The following FBXW7 variants were observed in gnomAD, a reference collection of about 807,000 sequenced individuals.
FBXW7 encodes F-box and WD repeat domain containing 7, also known as F-box/WD repeat-containing protein 7.
In FBXW7, 11 loss-of-function variants were observed where a neutral mutation model predicts 86.3. The ratio of observed to expected loss-of-function variants is 0.13; its 90% CI spans 0.08 to 0.21. The LOEUF is 0.21. Among genes scored for constraint, FBXW7 ranks in the 10% least tolerant of loss-of-function variants. The probability of loss-of-function intolerance (pLI) is 1.00; values close to 1 mark genes in which losing one functional copy is unlikely to be tolerated. For synonymous variants in FBXW7, 313 were observed against 297.9 expected, an observed-to-expected ratio of 1.05 and a Z score of -0.52; for missense variants, 488 against 847.4, an observed-to-expected ratio of 0.58 and a Z score of 5.27.
At chr4:152,524,232 A>C (rs1273176216) in intron 2 of FBXW7, among the ~76,000 whole-genome samples, 2 of 152,208 alleles carry the variant, frequency 1.3e-5, no homozygotes, top group African/African-American at 2.4e-5. Context: ...AACTTGCCTG[A>C]AATCACAAAG....
At chr4:152,382,557 T>C (rs2126781937) in intron 4 of FBXW7, 2 of 1,042,554 alleles carry the variant, frequency 1.9e-6, no homozygotes, top group Non-Finnish European at 2.4e-6. Context: ...CCAGGAATTA[T>C]AAACTACTGA....
chr4:152,479,301 CA>C (rs531178850), intron 2 of FBXW7, among the ~76,000 whole-genome samples: 62 of 151,438 alleles, frequency 4.1e-4, no homozygotes, highest in Non-Finnish European at 6.3e-4. Context: ...GACATCTAGT[CA>C]AAAAAAAGTA....
intron 2 of FBXW7, among the ~76,000 whole-genome samples, chr4:152,459,899 T>G (rs1742784242): frequency 6.6e-6 from 1 of 152,074 alleles, no homozygotes; most frequent in South Asian, 2.1e-4. Flanking sequence ...AGCAAAACTG[T>G]GGATAAGGGG....
intron 6 of FBXW7, among the ~76,000 whole-genome samples, chr4:152,341,804 T>C (rs186277592): frequency 9.2e-5 from 14 of 152,310 alleles, no homozygotes; most frequent in African/African-American, 3.1e-4. Flanking sequence ...ACTATCTACG[T>C]GTGTATGTGT....
intron 6 of FBXW7, among the ~76,000 whole-genome samples, chr4:152,345,353 A>C (rs1017161459): frequency 2.6e-5 from 4 of 152,180 alleles, no homozygotes; most frequent in Non-Finnish European, 4.4e-5. Context: ...TAATCAACAA[A>C]TGACTATGAA....
chr4:152,362,752 G>A (rs940055918), intron 4 of FBXW7, among the ~76,000 whole-genome samples: 1 of 150,976 alleles, frequency 6.6e-6, no homozygotes, highest in Middle Eastern at 3.4e-3. Flanking sequence ...GCTCAAACCC[G>A]GGAGGCAGAG....
chr4:152,534,637 G>T (rs768499118), intron 2 of FBXW7, among the ~76,000 whole-genome samples: 1 of 152,168 alleles, frequency 6.6e-6, no homozygotes, highest in Non-Finnish European at 1.5e-5. Flanking sequence ...GATGGCCTCT[G>T]TGCGCACATA....
At chr4:152,410,916 C>T (rs1737886994) in intron 4 of FBXW7, among the ~76,000 whole-genome samples, 1 of 152,106 alleles carries the variant, frequency 6.6e-6, no homozygotes, top group Non-Finnish European at 1.5e-5. Flanking sequence ...TTGTGAATAG[C>T]CCACTCTAGC....
chr4:152,357,174 A>G (rs997847744), intron 4 of FBXW7, among the ~76,000 whole-genome samples: 15 of 152,170 alleles, frequency 9.9e-5, no homozygotes, highest in Non-Finnish European at 1.5e-4. Context: ...GTAATAGATA[A>G]TCTTACTTTA....
intron 2 of FBXW7, among the ~76,000 whole-genome samples, chr4:152,416,256 AG>A (rs1738420536): frequency 6.6e-6 from 1 of 152,212 alleles, no homozygotes; most frequent in South Asian, 2.1e-4. Flanking sequence ...AAGAACTTCG[AG>A]CCAGGTCACA....
chr4:152,526,689 G>A (rs1749543482), intron 2 of FBXW7, among the ~76,000 whole-genome samples: 1 of 152,150 alleles, frequency 6.6e-6, no homozygotes, highest in Non-Finnish European at 1.5e-5. Flanking sequence ...TAAAAAGGCT[G>A]ATAACTGAAT....
At chr4:152,353,010 C>T in intron 4 of FBXW7, 3 of 1,225,942 alleles carry the variant, frequency 2.4e-6, no homozygotes, top group Non-Finnish European at 3.1e-6. Flanking sequence ...ACCGCCCCCA[C>T]ACGACAGCCC....
At chr4:152,415,238 G>A (rs888222800) in intron 2 of FBXW7, among the ~76,000 whole-genome samples, 4 of 152,022 alleles carry the variant, frequency 2.6e-5, no homozygotes, top group Non-Finnish European at 5.9e-5. Context: ...AGACACTGAG[G>A]AATACAGTTT....
intron 4 of FBXW7, among the ~76,000 whole-genome samples, chr4:152,393,101 G>A (rs1337207139): frequency 6.6e-6 from 1 of 152,054 alleles, no homozygotes; most frequent in African/African-American, 2.4e-5. Flanking sequence ...CCTTTTAGAA[G>A]GTGCAGTTGA....
At chr4:152,503,340 G>A (rs748964188) in intron 2 of FBXW7, among the ~76,000 whole-genome samples, 52 of 151,660 alleles carry the variant, frequency 3.4e-4, no homozygotes, top group Admixed American at 1.7e-3. Context: ...GCGCAATCTC[G>A]GCTCACTGCA....
chr4:152,434,967 C>T (rs941878594), intron 2 of FBXW7, among the ~76,000 whole-genome samples: 5 of 151,062 alleles, frequency 3.3e-5, no homozygotes, highest in East Asian at 1.9e-4. Context: ...CTCCCCCCCC[C>T]CCACACACAA....
intron 4 of FBXW7, chr4:152,382,397 C>A: frequency 7.4e-7 from 1 of 1,351,998 alleles, no homozygotes; most frequent in Non-Finnish European, 9.6e-7. Context: ...TTACTAAAAG[C>A]TCTAACCACT....
intron 2 of FBXW7, among the ~76,000 whole-genome samples, chr4:152,433,842 T>C (rs770638026): frequency 6.6e-6 from 1 of 152,232 alleles, no homozygotes; most frequent in African/African-American, 2.4e-5. Context: ...AAAAAATGAT[T>C]GACTATTTTC....
At chr4:152,344,546 T>G (rs1030196390) in intron 6 of FBXW7, among the ~76,000 whole-genome samples, 12 of 151,898 alleles carry the variant, frequency 7.9e-5, no homozygotes, top group African/African-American at 2.9e-4. Flanking sequence ...TTTTTTTTTT[T>G]CACATTAACA....
Sources: gnomAD v4.1 joint callset for allele counts (sites outside exome capture counted in the v4.1 genomes callset) on GRCh38, gnomAD v4.1.1 for gene constraint, MANE v1.5 for transcripts, NCBI Gene and HGNC (gene_info 2026-07-23, HGNC 2026-07-21) for gene names.